Variants in SLC35F4 observed in about 807,000 individuals in gnomAD.
The protein encoded by SLC35F4 is chromosome 14 open reading frame 36.
A neutral mutation model predicts 44.2 loss-of-function variants in SLC35F4; 24 were observed. The observed-to-expected ratio is 0.54, with a 90% confidence interval of 0.39 to 0.76. The LOEUF (loss-of-function observed/expected upper bound fraction) is 0.76, where lower values mean the gene tolerates loss of function less well. Among genes scored for constraint, SLC35F4 ranks in the 30% least tolerant of loss-of-function variants. The probability of loss-of-function intolerance (pLI) is 0.00; values close to 1 mark genes in which losing one functional copy is unlikely to be tolerated. For missense variants in SLC35F4, 562 were observed against 586.1 expected (o/e 0.96, Z 0.42); for synonymous variants, 238 against 223.6 (o/e 1.06, Z -0.57).
intron 1 of SLC35F4, chr14:57,596,457 T>C (rs1198566027): frequency 3.2e-6 from 1 of 310,300 alleles, no homozygotes; most frequent in Non-Finnish European, 6.2e-6. Context: ...ATTCCTGTTC[T>C]TCAAGAGTGG....
intron 1 of SLC35F4, among the ~76,000 whole-genome samples, chr14:57,654,043 C>T (rs1352690454): frequency 6.6e-6 from 1 of 152,172 alleles, no homozygotes; most frequent in Non-Finnish European, 1.5e-5. Context: ...GTGTGCATGC[C>T]TGTTTCCAAA....
chr14:57,589,472 C>T lies in SLC35F4; in HGVS notation c.331G>A (p.Glu111Lys). The T allele has an allele frequency of 2.5e-6, 4 of 1,613,586 alleles. No homozygotes were observed. Among genetic ancestry groups the T allele is most frequent in the Non-Finnish European group, 3.4e-6 (4 of 1,179,786 alleles). Reference sequence around the variant, plus strand: ...AGGCAGCGAGCCTTGATTCTGTTTTCTTGGCTGCTGTTCTCAGAATGAGTC... The same window carrying T: ...AGGCAGCGAGCCTTGATTCTGTTTTTTTGGCTGCTGTTCTCAGAATGAGTC... ...TQTHSENSSQENRIKARCLSC... is the reference protein window; with the variant it reads ...TQTHSENSSQKNRIKARCLSC... The change falls in exon 3 of 8, where the codon GAA (glutamate) becomes AAA (lysine). Residue 111 changes from glutamate to lysine, a missense_variant. Coordinates refer to ENST00000556826, the MANE Select transcript of SLC35F4 (RefSeq NM_001306087.2).
chr14:57,691,531 A>T (rs563484040), intron 1 of SLC35F4, among the ~76,000 whole-genome samples: 3 of 152,338 alleles, frequency 2.0e-5, no homozygotes, highest in African/African-American at 7.2e-5. Context: ...ACTGAAGCTT[A>T]TACTGGCTAT....
intron 1 of SLC35F4, among the ~76,000 whole-genome samples, chr14:57,887,332 C>G (rs1307465043): frequency 6.6e-6 from 1 of 152,212 alleles, no homozygotes; most frequent in East Asian, 1.9e-4. Flanking sequence ...TGCATTCAAG[C>G]TCCCTGGCTC....
intron 1 of SLC35F4, among the ~76,000 whole-genome samples, chr14:57,614,294 A>C (rs2071679981): frequency 6.6e-6 from 1 of 152,150 alleles, no homozygotes; most frequent in Non-Finnish European, 1.5e-5. Context: ...GAGGAAGAAA[A>C]AGTTGTTGGT....
At chr14:57,846,795 A>C (rs1886066841) in intron 1 of SLC35F4, among the ~76,000 whole-genome samples, 1 of 152,164 alleles carries the variant, frequency 6.6e-6, no homozygotes, top group Admixed American at 6.5e-5. Context: ...AGTGAGATTA[A>C]ATGTGTCAGG....
intron 1 of SLC35F4, among the ~76,000 whole-genome samples, chr14:57,682,982 A>G (rs1206837410): frequency 6.6e-6 from 1 of 152,196 alleles, no homozygotes; most frequent in Non-Finnish European, 1.5e-5. Context: ...TTGGGCAGGT[A>G]AGAGCGGAGT....
chr14:57,734,598 T>C (rs900080923), intron 1 of SLC35F4, among the ~76,000 whole-genome samples: 4 of 152,206 alleles, frequency 2.6e-5, no homozygotes, highest in African/African-American at 7.2e-5. Context: ...TATATTAAGC[T>C]GGGACAACAC....
At chr14:57,834,309 T>C (rs1032050390) in intron 1 of SLC35F4, among the ~76,000 whole-genome samples, 5 of 152,218 alleles carry the variant, frequency 3.3e-5, no homozygotes, top group Admixed American at 2.0e-4. Context: ...CTACAGCACA[T>C]TGGTGTGTTC....
intron 1 of SLC35F4, among the ~76,000 whole-genome samples, chr14:57,798,121 CAA>C (rs60685029): frequency 0.02 from 834 of 41,936 alleles, 2 homozygotes; most frequent in African/African-American, 0.053. Flanking sequence ...GACCCACGAG[CAA>C]AAAAAAAAAA....
At chr14:57,713,785 A>T (rs780174129) in intron 1 of SLC35F4, among the ~76,000 whole-genome samples, 6 of 152,170 alleles carry the variant, frequency 3.9e-5, no homozygotes, top group African/African-American at 1.2e-4. Context: ...TCAATTTTTT[A>T]AAAAATCAAA....
At chr14:57,622,809 T>C (rs1301095756) in intron 1 of SLC35F4, among the ~76,000 whole-genome samples, 1 of 151,474 alleles carries the variant, frequency 6.6e-6, no homozygotes, top group Non-Finnish European at 1.5e-5. Flanking sequence ...TCCTAAAACT[T>C]AAAGTATAAT....
At chr14:57,645,657 A>G (rs1050113048) in intron 1 of SLC35F4, among the ~76,000 whole-genome samples, 1 of 151,190 alleles carries the variant, frequency 6.6e-6, no homozygotes, top group African/African-American at 2.4e-5. Context: ...TTCCAACACT[A>G]TGTTGAATAG....
At chr14:57,926,492 G>C (rs1326063328) in intron 1 of SLC35F4, among the ~76,000 whole-genome samples, 1 of 152,032 alleles carries the variant, frequency 6.6e-6, no homozygotes, top group Admixed American at 6.5e-5. Context: ...TTTACTAAAG[G>C]GGGAAACAAC....
Position 57,589,367 on chromosome 14 carries a change from T to C in SLC35F4, c.436A>G (p.Thr146Ala), listed in dbSNP as rs769418504. The C allele has an allele frequency of 2.7e-5, 43 of 1,613,864 alleles. No individual in the cohort carries two copies. Among genetic ancestry groups the C allele is most frequent in the Non-Finnish European group, 3.6e-5 (42 of 1,179,894 alleles). Reference protein sequence around the residue: ...LSVSSSWVGTTQIVKITYKNF... With the variant: ...LSVSSSWVGTAQIVKITYKNF... The stretch of plus-strand genomic sequence containing the variant: ...TTATAAGTAATTTTTACAATCTGTG[T>C]AGTTCCAACCCAAGATGATGATACT... The change falls in exon 3 of 8, where the codon ACA becomes GCA. Residue 146 changes from threonine to alanine, a missense_variant. Coordinates refer to ENST00000556826, the MANE Select transcript of SLC35F4 (RefSeq NM_001306087.2).
intron 1 of SLC35F4, among the ~76,000 whole-genome samples, chr14:57,891,171 A>C (rs1888755725): frequency 6.6e-6 from 1 of 152,236 alleles, no homozygotes; most frequent in Non-Finnish European, 1.5e-5. Context: ...AGTATCAAAA[A>C]AAGATTTTTT....
intron 1 of SLC35F4, among the ~76,000 whole-genome samples, chr14:57,664,359 A>G (rs559020055): frequency 2.4e-4 from 36 of 152,310 alleles, no homozygotes; most frequent in Middle Eastern, 3.4e-3. Context: ...TGAATGGGAC[A>G]CTGGGACACT....
At chr14:57,598,969 G>A (rs1388861747) in intron 1 of SLC35F4, among the ~76,000 whole-genome samples, 1 of 152,110 alleles carries the variant, frequency 6.6e-6, no homozygotes, top group Non-Finnish European at 1.5e-5. Context: ...ACCCTGAAAA[G>A]GCTGCCCTGA....
chr14:57,867,000 A>AATT (rs1566916232), upstream of SLC35F4, among the ~76,000 whole-genome samples: 2 of 143,170 alleles, frequency 1.4e-5, no homozygotes, highest in South Asian at 2.2e-4. Flanking sequence ...TAATAATAAT[A>AATT]ATTTTCAAAG....
Sources: allele counts gnomAD v4.1 joint callset (sites outside exome capture counted in the v4.1 genomes callset), GRCh38; gene constraint gnomAD v4.1.1; transcripts MANE v1.5; gene names NCBI Gene and HGNC (gene_info 2026-07-23, HGNC 2026-07-21).